Variants in ZNF683 observed in about 807,000 individuals in gnomAD.
ZNF683 encodes zinc finger protein 683.
A neutral mutation model predicts 31.4 loss-of-function variants in ZNF683; 20 were observed. The observed-to-expected ratio is 0.64, with a 90% CI of 0.45 to 0.93. The LOEUF is 0.93. ZNF683 is among the 40% of genes least tolerant of loss of function. ZNF683 has a pLI of 0.00. For synonymous variants in ZNF683, 264 were observed against 267.6 expected (o/e 0.99, Z 0.13); for missense variants, 621 against 637.2 (o/e 0.97, Z 0.27).
intron 3 of ZNF683, among the ~76,000 whole-genome samples, chr1:26,366,430 CTG>C (rs1330292571): frequency 6.6e-6 from 1 of 151,304 alleles, no homozygotes; most frequent in Non-Finnish European, 1.5e-5. Context: ...CCGTTTCACT[CTG>C]TGCTCTGTGC....
At chr1:26,369,995 TCAA>T (rs1471510559) in intron 1 of ZNF683, among the ~76,000 whole-genome samples, 1 of 90,984 alleles carries the variant, frequency 1.1e-5, no homozygotes, top group Non-Finnish European at 2.3e-5. Context: ...AGACCCTGTC[TCAA>T]TCAATCAATC....
chr1:26,372,508 C>T (rs2074692095), intron 1 of ZNF683, 161 bp downstream of exon 1: 1 of 1,304,814 alleles, frequency 7.7e-7, no homozygotes, highest in African/African-American at 1.5e-5. Context: ...ATCAGATGTC[C>T]CCACCCAGAA....
intron 1 of ZNF683, 129 bp downstream of exon 1, chr1:26,372,540 G>C: frequency 7.7e-7 from 1 of 1,304,922 alleles, no homozygotes; most frequent in Non-Finnish European, 1.0e-6. Flanking sequence ...CACACCTTTG[G>C]CTTCCATCTG....
chr1:26,362,122 T>C lies in ZNF683; in HGVS notation c.1144-100A>G, dbSNP rs756190593. The C allele has an allele frequency of 6.8e-6, 11 of 1,613,766 alleles. No individual in the cohort carries two copies. In the Admixed American group the frequency reaches 1.7e-4, roughly 24 times the overall value. On this transcript the variant is annotated intron_variant, in intron 5 of 5. Coordinates refer to ENST00000349618, the MANE Select transcript of ZNF683 (RefSeq NM_001114759.3). ...GGAAATACCCATGACCCACCTCTCT[T>C]TCCCTCCAGGCCTGGAAGCTTTTCC...
In ZNF683 at chr1:26,367,656, T is replaced by C. The variant is rs1175333939; in HGVS notation, c.256A>G (p.Thr86Ala). 6.2e-7 allele frequency: 1 copy of C among 1,612,288 alleles called. No individual in the cohort carries two copies. The stretch of plus-strand genomic sequence containing the variant: ...GTGCCCAGGGGTGCCGGCTGTGGGG[T>C]GCACAGGTTCAGGTCCAGGTCCTGT... Reference protein sequence around the residue: ...CLQDLDLNLCTPQPAPLGTDL... With the variant: ...CLQDLDLNLCAPQPAPLGTDL... The change falls in exon 3 of 6, where the codon ACC becomes GCC. Residue 86 changes from threonine to alanine, a missense_variant. Transcript: ENST00000349618.
chr1:26,364,921 C>T lies in ZNF683; in HGVS notation c.625G>A (p.Gly209Arg), dbSNP rs1319245930. The T allele has an allele frequency of 1.3e-6, 2 of 1,550,524 alleles. No homozygotes were observed. The highest frequency in any genetic ancestry group is 8.7e-7 in the Non-Finnish European group (1 of 1,152,070). The stretch of plus-strand genomic sequence containing the variant: ...GGACATTGGTCAGAAGGTAGGGCCC[C>T]ATAGGTGAACAGGTGGGGTGGAGGC... ...LLPPPHLFTYGALPSDQCPHL... is the reference protein window; with the variant it reads ...LLPPPHLFTYRALPSDQCPHL... The change falls in exon 4 of 6, where the codon GGG becomes AGG. Residue 209 changes from glycine (G) to arginine (R), a missense_variant. Gly to Arg is a moderately radical substitution (Grantham distance 125, BLOSUM62 -2). Transcript: ENST00000349618.
rs9887972 is a variant in ZNF683 at position 26,368,441 on chromosome 1, C to T, written c.114+17G>A. ...AAGCAGACTACCCACAAAGGTAAGG[C>T]TGGGGTTCTACCTTACCTGGTCACC... is the stretch of plus-strand genomic sequence containing the variant. On this transcript the variant is annotated intron_variant, in intron 2 of 5. Transcript: ENST00000349618. The T allele has an allele frequency of 9.9e-3, 15,453 of 1,554,838 alleles. 409 individuals are homozygous for T. In the African/African-American group the frequency reaches 0.1, roughly 10 times the overall value.
At position 26,364,594 on chromosome 1, in the gene ZNF683, C is replaced by T. The variant is rs749911811; in HGVS notation, c.952G>A (p.Gly318Ser). The T allele has an allele frequency of 3.1e-6, 5 of 1,613,872 alleles. No homozygotes were observed. Among genetic ancestry groups the T allele is most frequent in the Non-Finnish European group, 4.2e-6 (5 of 1,179,904 alleles). Reference sequence around the variant, plus strand: ...ATGTTGCACTCGTACAGGATTTTGCCATTCTTCTTTTTCAGCGGGTAAGGC... The same window carrying T: ...ATGTTGCACTCGTACAGGATTTTGCTATTCTTCTTTTTCAGCGGGTAAGGC... ...ALPYPLKKKN[G>S]KILYECNICG... The change falls in exon 4 of 6, where the codon GGC becomes AGC. Residue 318 changes from glycine to serine, a missense_variant. Coordinates refer to ENST00000349618, the MANE Select transcript of ZNF683 (RefSeq NM_001114759.3).
Position 26,361,990 on chromosome 1 carries a change from G to A in ZNF683, c.1176C>T (p.Asn392=). Residue 392 remains asparagine (N), a synonymous_variant, in exon 6 of 6, where the codon AAC becomes AAT. Transcript: ENST00000349618. ...VCHKRFSSSS[N]LKTHLRLHSG... ...AGTGCAGGCGCAGGTGGGTCTTGAG[G>A]TTACTGGAGCTGCTGAAGCGCTTGT... is the stretch of plus-strand genomic sequence containing the variant. The A allele has an allele frequency of 6.2e-7, 1 of 1,613,866 alleles. No homozygotes were observed. The highest frequency in any genetic ancestry group is 8.5e-7 in the Non-Finnish European group (1 of 1,179,766).
In ZNF683 at chr1:26,361,893, G is replaced by C. The variant is rs1457665090; in HGVS notation, c.1273C>G (p.His425Asp). The change falls in exon 6 of 6, where the codon CAT becomes GAT. Residue 425 changes from histidine (H) to aspartate (D), a missense_variant. Physicochemically the swap from His to Asp is moderately conservative, Grantham distance 81. Transcript: ENST00000349618. The stretch of plus-strand genomic sequence containing the variant: ...CAGGGCTGTGGGGCATGCAGCCGAT[G>C]GTGCAGCTTCAGGTGGATGTGCTGG... Reference protein sequence around the residue: ...FTQHIHLKLHHRLHAPQPCGL... With the variant: ...FTQHIHLKLHDRLHAPQPCGL... The C allele has an allele frequency of 6.2e-7, 1 of 1,614,006 alleles. No homozygotes were observed. Among genetic ancestry groups the C allele is most frequent in the Admixed American group, 1.7e-5 (1 of 60,026 alleles).
chr1:26,374,485 C>T (rs563911189), upstream of ZNF683: 28 of 1,138,764 alleles, frequency 2.5e-5, no homozygotes, highest in Middle Eastern at 3.9e-4. Flanking sequence ...CAGGTTCCCA[C>T]GTGGAGAAGC....
chr1:26,365,207 C>T lies in ZNF683; in HGVS notation c.339G>A (p.Leu113=), dbSNP rs534149045. 3.1e-6 allele frequency: 5 copies of T among 1,603,392 alleles called. No individual in the cohort carries two copies. The South Asian group carries it at 5.6e-5, about 18-fold the overall frequency. The change falls in exon 4 of 6, where the codon CTG becomes CTA. Residue 113 remains leucine, a synonymous_variant. Coordinates refer to ENST00000349618, the MANE Select transcript of ZNF683 (RefSeq NM_001114759.3). ...ALSMKHEPPG[L]QASSTDDKKF... Reference sequence around the variant, plus strand: ...TCTTGTCATCGGTGGAGCTGGCCTGCAGCCCTGGTGGCTCGTGCTCTAAGC... The same window carrying T: ...TCTTGTCATCGGTGGAGCTGGCCTGTAGCCCTGGTGGCTCGTGCTCTAAGC...
Position 26,364,605 on chromosome 1 carries a change from T to C in ZNF683, c.941A>G (p.Lys314Arg). Residue 314 changes from lysine (K) to arginine (R), a missense_variant, in exon 4 of 6, where the codon AAA (lysine) becomes AGA (arginine). By Grantham distance (26) the Lys-to-Arg change is conservative. Coordinates refer to ENST00000349618, the MANE Select transcript of ZNF683 (RefSeq NM_001114759.3). ...GTACAGGATTTTGCCATTCTTCTTT[T>C]TCAGCGGGTAAGGCAAGGCTGCGGT... ...TGTAALPYPL[K>R]KKNGKILYEC... The C allele has an allele frequency of 6.2e-7, 1 of 1,614,010 alleles. No individual in the cohort carries two copies. Among genetic ancestry groups the C allele is most frequent in the Non-Finnish European group, 8.5e-7 (1 of 1,179,886 alleles).
At position 26,362,981 on chromosome 1, in the gene ZNF683, C is replaced by G. The variant is rs199988651; in HGVS notation, c.1143+45G>C. The G allele has an allele frequency of 1.0e-4, 156 of 1,557,486 alleles. No homozygotes were observed. The African/African-American group carries it at 2.1e-3, about 21-fold the overall frequency. On this transcript the variant is annotated intron_variant, in intron 5 of 5. Coordinates refer to ENST00000349618, the MANE Select transcript of ZNF683 (RefSeq NM_001114759.3). ...CCAGCCCTCCAAGGGCCTAAAACTCCTCTCCAGCCTATAGGAGTACATAGT... is the reference window on the plus strand; with the variant it reads ...CCAGCCCTCCAAGGGCCTAAAACTCGTCTCCAGCCTATAGGAGTACATAGT...
rs967563647 is a variant in ZNF683, at chr1:26,365,114, C to T, written c.432G>A (p.Gly144=). The T allele has an allele frequency of 1.2e-6, 2 of 1,606,752 alleles. No individual in the cohort carries two copies. Among genetic ancestry groups the T allele is most frequent in the Non-Finnish European group, 1.7e-6 (2 of 1,176,654 alleles). The change falls in exon 4 of 6, where the codon GGG becomes GGA. Residue 144 remains glycine (G), a synonymous_variant. Coordinates refer to ENST00000349618, the MANE Select transcript of ZNF683 (RefSeq NM_001114759.3). The part of the protein sequence containing the change: ...LGKQPERAGE[G]APCPAFSSHN... ...GAGAGGAGAAGGCTGGGCAGGGGGCCCCCTCGCCAGCTCTTTCTGGCTGTT... is the reference window on the plus strand; with the variant it reads ...GAGAGGAGAAGGCTGGGCAGGGGGCTCCCTCGCCAGCTCTTTCTGGCTGTT...
intron 2 of ZNF683, 47 bp downstream of exon 2, chr1:26,368,411 A>T: frequency 2.0e-6 from 3 of 1,504,012 alleles, no homozygotes; most frequent in Non-Finnish European, 2.7e-6. Flanking sequence ...GTCACCTCCT[A>T]CTATAAGCAG....
intron 4 of ZNF683, 134 bp downstream of exon 4, chr1:26,364,398 C>T: frequency 1.0e-6 from 1 of 965,146 alleles, no homozygotes. Context: ...ATGAACCATC[C>T]AAGGTCACTT....
At chr1:26,366,459 A>C (rs962379452) in intron 3 of ZNF683, among the ~76,000 whole-genome samples, 1 of 152,096 alleles carries the variant, frequency 6.6e-6, no homozygotes, top group African/African-American at 2.4e-5. Flanking sequence ...CCTAGAAATA[A>C]AGGACACAGC....
upstream of ZNF683, chr1:26,374,171 G>C: frequency 8.4e-7 from 1 of 1,185,890 alleles, no homozygotes; most frequent in Non-Finnish European, 1.1e-6. Context: ...AGCCCTCTCA[G>C]ACCCCCAGGC....
Sources: allele counts gnomAD v4.1 joint callset (sites outside exome capture counted in the v4.1 genomes callset), GRCh38; gene constraint gnomAD v4.1.1; transcripts MANE v1.5; gene names NCBI Gene and HGNC (gene_info 2026-07-23, HGNC 2026-07-21).